The following HTR2C variants were observed in gnomAD, a reference collection of about 807,000 sequenced individuals.
HTR2C encodes the protein 5-hydroxytryptamine receptor 2C.
HTR2C carries 5 observed loss-of-function variants against 21.0 expected under a neutral mutation model. The observed-to-expected ratio is 0.24, with a 90% CI of 0.12 to 0.50. The LOEUF (loss-of-function observed/expected upper bound fraction) is 0.50. Among genes scored for constraint, HTR2C ranks in the 20% least tolerant of loss-of-function variants. The pLI is 0.98. For synonymous variants in HTR2C, 150 were observed against 145.3 expected (o/e 1.03, Z -0.23); for missense variants, 271 against 371.2 (o/e 0.73, Z 2.22).
chrX:114,752,294 G>T (rs2069767801), intron 4 of HTR2C, among the ~76,000 whole-genome samples: 1 of 111,698 alleles, frequency 9.0e-6, no homozygotes, highest in Non-Finnish European at 1.9e-5. Context: ...AAATATATTT[G>T]AAAATGTATT....
rs61672860 is a variant in HTR2C at position 114,734,564 on chromosome X, T to TAAAAAAAAAAAAAAAAA, written c.349+2969_349+2985dup. On this transcript the variant is annotated intron_variant, in intron 4 of 5. Transcript: ENST00000276198. ...CAAGAGTGTTAGACTGCCTTACATG[T>TAAAAAAAAAAAAAAAAA]AAAAAAAAAAAAAAAAAAAAAAAAA... is the stretch of plus-strand genomic sequence containing the variant. 6.4e-4 allele frequency among the ~76,000 whole-genome samples: 22 copies of TAAAAAAAAAAAAAAAAA among 34,294 alleles called. 1 individual carries two copies. The highest frequency in any genetic ancestry group is 1.4e-3 in the African/African-American group (11 of 7,793). The allele number at this position is 34,294 out of a possible 115,157, so 29.8% of individuals were successfully genotyped here.
intron 2 of HTR2C, among the ~76,000 whole-genome samples, chrX:114,638,235 G>A (rs925913953): frequency 2.7e-5 from 3 of 111,629 alleles, no homozygotes; most frequent in Non-Finnish European, 5.6e-5. Context: ...TTGAGAGCGA[G>A]CAACAAAATA....
rs782575838 is a variant in HTR2C, at chrX:114,779,782, A to T, written c.349+48175A>T. On this transcript the variant is annotated intron_variant, in intron 4 of 5. Coordinates refer to ENST00000276198, the MANE Select transcript of HTR2C (RefSeq NM_000868.4). ...GTCAACTTATTTGTAGGAGGATTGG[A>T]GACATTGGGTACAAGAAGATACTTT... Among the ~76,000 whole-genome samples, 23 of 112,156 alleles carry T rather than the reference A, an allele frequency of 2.1e-4. No homozygotes were observed. In the South Asian group the frequency reaches 5.2e-3, roughly 25 times the overall value.
At chrX:114,873,017 C>T (rs782321559) in intron 5 of HTR2C, among the ~76,000 whole-genome samples, 2 of 111,706 alleles carry the variant, frequency 1.8e-5, no homozygotes, top group South Asian at 3.7e-4. Context: ...ATTGTTTTTA[C>T]GAAGAAGAGT....
At chrX:114,705,369 A>G (rs1172610409) in intron 2 of HTR2C, among the ~76,000 whole-genome samples, 2 of 110,585 alleles carry the variant, frequency 1.8e-5, no homozygotes, top group Non-Finnish European at 3.8e-5. Context: ...GATATAGATC[A>G]ATGGAACAGA....
chrX:114,764,921 TTCTTTTCC>T (rs1486202057), intron 4 of HTR2C, among the ~76,000 whole-genome samples: 8 of 46,677 alleles, frequency 1.7e-4, no homozygotes, highest in South Asian at 2.0e-3. Context: ...CTTTCTTTCT[TTCTTTTCC>T]TTCCTTCCTT....
At chrX:114,874,723 G>A (rs1238116156) in intron 5 of HTR2C, among the ~76,000 whole-genome samples, 1 of 110,964 alleles carries the variant, frequency 9.0e-6, no homozygotes, top group African/African-American at 3.3e-5. Context: ...TGGCCAGGCT[G>A]GTCTCAAACT....
At chrX:114,765,175 C>G (rs1230882760) in intron 4 of HTR2C, among the ~76,000 whole-genome samples, 4 of 109,228 alleles carry the variant, frequency 3.7e-5, no homozygotes, top group Non-Finnish European at 7.6e-5. Context: ...CCATGCCCAG[C>G]CTTGGAAACT....
chrX:114,646,786 G>A (rs1930376432), intron 2 of HTR2C, among the ~76,000 whole-genome samples: 1 of 112,190 alleles, frequency 8.9e-6, no homozygotes, highest in South Asian at 3.6e-4. Flanking sequence ...TAGTTTTACA[G>A]TTTCAAGTCT....
At chrX:114,836,852 T>A (rs1438626520) in intron 4 of HTR2C, among the ~76,000 whole-genome samples, 1 of 37,205 alleles carries the variant, frequency 2.7e-5, no homozygotes, top group Non-Finnish European at 7.4e-5. Flanking sequence ...TCGTTAATGC[T>A]CAACATTTAT....
intron 5 of HTR2C, among the ~76,000 whole-genome samples, chrX:114,880,916 A>T (rs2071176439): frequency 9.0e-6 from 1 of 111,262 alleles, no homozygotes; most frequent in African/African-American, 3.2e-5. Flanking sequence ...ACTTGTTTTA[A>T]TTCTCTTGGG....
At chrX:114,706,674 A>G (rs183771104) in intron 2 of HTR2C, among the ~76,000 whole-genome samples, 10 of 108,031 alleles carry the variant, frequency 9.3e-5, no homozygotes, top group African/African-American at 2.7e-4. Context: ...ACTAACCTAC[A>G]CATTGTACAC....
intron 2 of HTR2C, among the ~76,000 whole-genome samples, chrX:114,624,711 A>G (rs1929307077): frequency 8.9e-6 from 1 of 112,262 alleles, no homozygotes; most frequent in Non-Finnish European, 1.9e-5. Context: ...CTAGCATGTT[A>G]AGAAAGAACT....
chrX:114,785,430 CATT>C, intron 4 of HTR2C, among the ~76,000 whole-genome samples: 1 of 111,609 alleles, frequency 9.0e-6, no homozygotes, highest in East Asian at 2.8e-4. Flanking sequence ...AAGAAAAATA[CATT>C]ATTACCACAT....
rs2071402815 is a variant in HTR2C at position 114,909,985 on chromosome X, T to G, written c.*2570T>G. The G allele has an allele frequency of 8.9e-6, 1 of 112,271 alleles. No individual in the cohort carries two copies. The highest frequency in any genetic ancestry group is 9.5e-5 in the Admixed American group (1 of 10,536). 9.3% of individuals were successfully genotyped at this position (112,271 alleles called of 1,213,427 possible). On this transcript the variant is annotated 3_prime_UTR_variant, in exon 6 of 6. Transcript: ENST00000276198. ...TGTGAATGGTTGCAAAGTGTTGTCT[T>G]ATTCCTAATTCCTGTATGTTATCCA...
intron 2 of HTR2C, among the ~76,000 whole-genome samples, chrX:114,703,177 C>T (rs1241470828): frequency 9.3e-6 from 1 of 107,512 alleles, no homozygotes; most frequent in Non-Finnish European, 1.9e-5. Context: ...CAAGGATACC[C>T]AGGAATTGAA....
At chrX:114,597,262 CTAAAT>C (rs1389679462) in intron 1 of HTR2C, among the ~76,000 whole-genome samples, 6 of 103,295 alleles carry the variant, frequency 5.8e-5, no homozygotes, top group African/African-American at 1.1e-4. Flanking sequence ...TTTTTTGAAG[CTAAAT>C]TATACCCGAC....
chrX:114,614,613 G>T (rs1928881156), intron 2 of HTR2C, among the ~76,000 whole-genome samples: 1 of 111,122 alleles, frequency 9.0e-6, no homozygotes, highest in African/African-American at 3.3e-5. Context: ...AAATCTAGCT[G>T]TTGTTTTCTA....
intron 2 of HTR2C, among the ~76,000 whole-genome samples, chrX:114,697,445 T>A (rs1214510792): frequency 1.8e-5 from 2 of 112,522 alleles, no homozygotes; most frequent in African/African-American, 6.5e-5. Flanking sequence ...AGATGGATTG[T>A]GGTGAAGTGC....
Sources: gnomAD v4.1 joint callset for allele counts (sites outside exome capture counted in the v4.1 genomes callset) on GRCh38, gnomAD v4.1.1 for gene constraint, MANE v1.5 for transcripts, NCBI Gene and HGNC (gene_info 2026-07-23, HGNC 2026-07-21) for gene names.